ITGA9: variants seen among roughly 807,000 people sequenced by gnomAD.
ITGA9 encodes the protein integrin subunit alpha 9.
Under a neutral mutation model 127.8 loss-of-function variants are expected in ITGA9, and 56 were observed. That is an observed-to-expected ratio of 0.44 (90% confidence interval 0.35 to 0.55). ITGA9 has a LOEUF of 0.55. Among genes scored for constraint, ITGA9 ranks in the 20% least tolerant of loss-of-function variants. The pLI is 0.00. For missense variants in ITGA9, 1,196 were observed against 1,347.1 expected (o/e 0.89, Z 1.76); for synonymous variants, 508 against 514.5 (o/e 0.99, Z 0.17).
chr3:37,567,319 A>G (rs1699557080), intron 15 of ITGA9, among the ~76,000 whole-genome samples: 2 of 152,230 alleles, frequency 1.3e-5, no homozygotes, highest in South Asian at 4.1e-4. Context: ...ACCCATCCCC[A>G]TGATTCAACT....
At chr3:37,593,989 C>G (rs1409069013) in intron 15 of ITGA9, among the ~76,000 whole-genome samples, 1 of 152,234 alleles carries the variant, frequency 6.6e-6, no homozygotes, top group Non-Finnish European at 1.5e-5. Flanking sequence ...TGCTCCTCCC[C>G]AGAAAGGGAG....
chr3:37,496,960 C>T (rs1698737147), intron 5 of ITGA9, among the ~76,000 whole-genome samples: 1 of 152,208 alleles, frequency 6.6e-6, no homozygotes, highest in African/African-American at 2.4e-5. Flanking sequence ...TACCAGTTGA[C>T]ACTCCCCTGC....
intron 15 of ITGA9, among the ~76,000 whole-genome samples, chr3:37,558,031 T>C (rs1459766482): frequency 6.6e-6 from 1 of 152,204 alleles, no homozygotes; most frequent in Non-Finnish European, 1.5e-5. Flanking sequence ...GGCCCATTTC[T>C]GGGTGGATTG....
At chr3:37,641,053 G>A (rs1700328113) in intron 16 of ITGA9, among the ~76,000 whole-genome samples, 1 of 152,152 alleles carries the variant, frequency 6.6e-6, no homozygotes, top group Non-Finnish European at 1.5e-5. Context: ...TTCCTCTGAG[G>A]GGGGTCCCGT....
chr3:37,682,926 A>C (rs981159843), intron 17 of ITGA9, among the ~76,000 whole-genome samples: 14 of 152,024 alleles, frequency 9.2e-5, no homozygotes, highest in Middle Eastern at 3.4e-3. Flanking sequence ...AGAGCCTCCT[A>C]CTCAGGCCCC....
intron 15 of ITGA9, among the ~76,000 whole-genome samples, chr3:37,579,975 G>A (rs1323616812): frequency 6.6e-6 from 1 of 152,136 alleles, no homozygotes; most frequent in Non-Finnish European, 1.5e-5. Flanking sequence ...CATTTAATGT[G>A]TTTTTAATGA....
At chr3:37,470,546 T>G (rs991743976) in intron 1 of ITGA9, among the ~76,000 whole-genome samples, 36 of 152,244 alleles carry the variant, frequency 2.4e-4, no homozygotes, top group African/African-American at 8.4e-4. Flanking sequence ...TTGTCTTTTC[T>G]TATTAATCAA....
At chr3:37,453,115 GCCCC>G (rs33973256) in intron 1 of ITGA9, among the ~76,000 whole-genome samples, 6,677 of 142,102 alleles carry the variant, frequency 0.047, 293 homozygotes, top group African/African-American at 0.06. Flanking sequence ...GAGCCCCGGC[GCCCC>G]CCCCCCCCCC....
At chr3:37,478,151 C>T (rs1698513979) in intron 3 of ITGA9, among the ~76,000 whole-genome samples, 1 of 152,168 alleles carries the variant, frequency 6.6e-6, no homozygotes, top group African/African-American at 2.4e-5. Context: ...GGTTGGGGAG[C>T]TTCTTAGGGG....
rs1045166932 is a variant in ITGA9 at position 37,452,993 on chromosome 3, C to T, written c.185+434C>T. Among the ~76,000 whole-genome samples, 9 of 152,214 alleles carry T rather than the reference C, an allele frequency of 5.9e-5. No homozygotes were observed. The highest frequency in any genetic ancestry group is 1.2e-4 in the Non-Finnish European group (8 of 68,030). On this transcript the variant is annotated intron_variant, in intron 1 of 27. Coordinates refer to ENST00000264741, the MANE Select transcript of ITGA9 (RefSeq NM_002207.3). This position sits in a 1 kb window ranked among gnomAD's most constrained non-coding sequence, Gnocchi z 7.3. The stretch of plus-strand genomic sequence containing the variant: ...CGGGGCACTGGAGCTGCACCCCTCC[C>T]CGGTTTTGGGGAACCCCTGAGGAAG...
At chr3:37,640,531 C>A (rs1188801322) in intron 16 of ITGA9, among the ~76,000 whole-genome samples, 1 of 152,190 alleles carries the variant, frequency 6.6e-6, no homozygotes, top group Non-Finnish European at 1.5e-5. Context: ...TCGTCCAGAC[C>A]AGCTGACACC....
At chr3:37,500,359 G>T (rs1018772307) in intron 5 of ITGA9, among the ~76,000 whole-genome samples, 3 of 152,254 alleles carry the variant, frequency 2.0e-5, no homozygotes, top group African/African-American at 7.2e-5. Context: ...TCCTTCAAGG[G>T]GGGTAGGATC....
intron 17 of ITGA9, among the ~76,000 whole-genome samples, chr3:37,657,134 A>G (rs1157764783): frequency 6.6e-6 from 1 of 152,166 alleles, no homozygotes; most frequent in African/African-American, 2.4e-5. Context: ...TTCATCAGGG[A>G]TATTGACATG....
chr3:37,596,284 C>T (rs72619989), intron 15 of ITGA9, among the ~76,000 whole-genome samples: 67,513 of 151,906 alleles, frequency 0.44, 15,548 homozygotes, highest in East Asian at 0.6. Context: ...GGCTACAACT[C>T]AGTTTTGGAC....
chr3:37,681,268 G>A (rs1700731928), intron 17 of ITGA9, among the ~76,000 whole-genome samples: 1 of 152,152 alleles, frequency 6.6e-6, no homozygotes, highest in African/African-American at 2.4e-5. Context: ...AGAAGGCTGG[G>A]GAACCAACAC....
At chr3:37,659,264 A>T (rs963656123) in intron 17 of ITGA9, among the ~76,000 whole-genome samples, 2 of 152,118 alleles carry the variant, frequency 1.3e-5, no homozygotes, top group Non-Finnish European at 2.9e-5. Flanking sequence ...TAATATCCTG[A>T]AGAGTGTTTT....
intron 18 of ITGA9, among the ~76,000 whole-genome samples, chr3:37,686,936 C>T (rs1700787941): frequency 1.3e-5 from 2 of 152,264 alleles, no homozygotes; most frequent in Middle Eastern, 3.4e-3. Flanking sequence ...TGAGGGGCAC[C>T]AGGAGAGCCC....
intron 17 of ITGA9, among the ~76,000 whole-genome samples, chr3:37,680,507 G>A (rs1700725488): frequency 6.6e-6 from 1 of 152,152 alleles, no homozygotes; most frequent in African/African-American, 2.4e-5. Context: ...GAGGCCCAAG[G>A]TTTGGGGATT....
At position 37,577,408 on chromosome 3, in the gene ITGA9, C is replaced by CCTT. The variant is rs147324263; in HGVS notation, c.1689+34825_1689+34827dup. Reference sequence around the variant, plus strand: ...ATCTGAGCTGAGAGTGGTGTTGGCACCTTCATAGCTGACATCAAATGGATC... The same window carrying CCTT: ...ATCTGAGCTGAGAGTGGTGTTGGCACCTTCTTCATAGCTGACATCAAATGGATC... On this transcript the variant is annotated intron_variant, in intron 15 of 27. Transcript: ENST00000264741. Among the ~76,000 whole-genome samples the CCTT allele has an allele frequency of 7.1e-3, 1,076 of 152,332 alleles. 16 individuals carry two copies. Among genetic ancestry groups the CCTT allele is most frequent in the African/African-American group, 0.025 (1,032 of 41,568 alleles).
Sources: allele counts gnomAD v4.1 joint callset (sites outside exome capture counted in the v4.1 genomes callset), GRCh38; gene constraint gnomAD v4.1.1; non-coding constraint Gnocchi (gnomAD v3.1); transcripts MANE v1.5; gene names NCBI Gene and HGNC (gene_info 2026-07-23, HGNC 2026-07-21).